MDN1: variants seen among roughly 807,000 people sequenced by gnomAD.
MDN1 encodes midasin.
In MDN1, 266 loss-of-function variants were observed where a neutral mutation model predicts 669.2. The observed-to-expected ratio is 0.40, with a 90% CI of 0.36 to 0.44. The LOEUF (loss-of-function observed/expected upper bound fraction) is 0.44. Among genes scored for constraint, MDN1 ranks in the 20% least tolerant of loss-of-function variants. MDN1 has a pLI of 1.00. For synonymous variants in MDN1, 2,385 were observed against 2,457.1 expected, an observed-to-expected ratio of 0.97 and a Z score of 0.87; for missense variants, 5,940 against 6,754.0, an observed-to-expected ratio of 0.88 and a Z score of 4.22.
intron 17 of MDN1, among the ~76,000 whole-genome samples, chr6:89,759,787 T>C (rs1245991342): frequency 6.7e-6 from 1 of 149,812 alleles, no homozygotes; most frequent in Non-Finnish European, 1.5e-5. Context: ...AGAATAGTTC[T>C]GGGGCCCGGG....
intron 2 of MDN1, among the ~76,000 whole-genome samples, chr6:89,796,340 A>AAC (rs1819605685): frequency 8.6e-6 from 1 of 116,636 alleles, no homozygotes; most frequent in East Asian, 2.3e-4. Context: ...AAAAAAAAAA[A>AAC]AAAAAAAAAA....
intron 5 of MDN1, among the ~76,000 whole-genome samples, chr6:89,792,943 T>C (rs1007418480): frequency 6.6e-6 from 1 of 152,036 alleles, no homozygotes. Flanking sequence ...CACTTGAACC[T>C]GGGAGGGGGG....
chr6:89,735,467 A>G (rs540492250), intron 33 of MDN1, among the ~76,000 whole-genome samples: 14 of 150,298 alleles, frequency 9.3e-5, no homozygotes, highest in Middle Eastern at 3.6e-3. Flanking sequence ...TCAAACTCCT[A>G]GGCTCAAGGG....
At chr6:89,685,067 G>A in intron 70 of MDN1, 82 bp from the exon 71 acceptor site, 1 of 841,734 alleles carries the variant, frequency 1.2e-6, no homozygotes, top group Non-Finnish European at 1.9e-6. Flanking sequence ...ATATTTCAGT[G>A]ATGACCCTTC....
intron 63 of MDN1, among the ~76,000 whole-genome samples, chr6:89,691,574 T>G (rs1054229092): frequency 6.6e-6 from 1 of 152,194 alleles, no homozygotes; most frequent in Non-Finnish European, 1.5e-5. Flanking sequence ...ACAGTAAAAG[T>G]ATATACAAAT....
intron 11 of MDN1, 37 bp downstream of exon 11, chr6:89,780,175 G>T: frequency 7.9e-7 from 1 of 1,269,680 alleles, no homozygotes; most frequent in South Asian, 1.5e-5. Flanking sequence ...CAGCCTTACA[G>T]AACCAAGACA....
chr6:89,716,181 A>G (rs920153045), intron 44 of MDN1, among the ~76,000 whole-genome samples: 20 of 152,326 alleles, frequency 1.3e-4, no homozygotes, highest in African/African-American at 4.6e-4. Flanking sequence ...AGTAGCTTCT[A>G]TGTTAACTGT....
chr6:89,798,554 TTATG>T (rs1253562436), intron 2 of MDN1, among the ~76,000 whole-genome samples: 3 of 152,070 alleles, frequency 2.0e-5, no homozygotes, highest in African/African-American at 7.2e-5. Context: ...TCATATTAGT[TTATG>T]TATGAGTAGC....
At chr6:89,699,764 G>A (rs761841182) in intron 57 of MDN1, 37 bp from the exon 58 acceptor site, 32 of 1,607,564 alleles carry the variant, frequency 2.0e-5, no homozygotes, top group Non-Finnish European at 2.7e-5. Flanking sequence ...GTGGGGTATG[G>A]ACTATCAATG....
chr6:89,704,695 T>A (rs900649283), intron 53 of MDN1, among the ~76,000 whole-genome samples: 4 of 152,158 alleles, frequency 2.6e-5, no homozygotes, highest in Admixed American at 2.0e-4. Flanking sequence ...CAAGCGATTC[T>A]CCTGCCTCTC....
chr6:89,714,497 C>A, intron 46 of MDN1, 46 bp downstream of exon 46: 1 of 1,448,534 alleles, frequency 6.9e-7, no homozygotes, highest in South Asian at 1.3e-5. Flanking sequence ...ACATAAATTT[C>A]TTGAAGACTA....
chr6:89,686,400 G>A (rs1812008083), intron 69 of MDN1, among the ~76,000 whole-genome samples: 1 of 151,834 alleles, frequency 6.6e-6, no homozygotes, highest in Non-Finnish European at 1.5e-5. Flanking sequence ...ACTCCAGCCT[G>A]GGCAACAGAG....
chr6:89,789,660 C>A, intron 7 of MDN1, 120 bp downstream of exon 7: 4 of 1,193,772 alleles, frequency 3.4e-6, no homozygotes, highest in Non-Finnish European at 4.7e-6. Context: ...GTACCTGCAA[C>A]ATAGTACGTC....
rs531205876 is a variant in MDN1 at position 89,742,540 on chromosome 6, G to A, written c.4448+610C>T. On this transcript the variant is annotated intron_variant, in intron 31 of 101. Transcript: ENST00000369393. ...TCTACTGCAATACCACTAACTCAGT[G>A]ACTCAGTTCTATGCATATAGCTTGC... 9.8e-5 allele frequency among the ~76,000 whole-genome samples: 15 copies of A among 152,288 alleles called. No homozygotes were observed. In the South Asian group the frequency reaches 3.1e-3, roughly 32 times the overall value.
intron 47 of MDN1, 40 bp downstream of exon 47, chr6:89,713,108 G>A: frequency 6.3e-7 from 1 of 1,591,894 alleles, no homozygotes; most frequent in Non-Finnish European, 8.6e-7. Flanking sequence ...AGAATGTAGG[G>A]TATTACAACT....
At chr6:89,752,541 T>A (rs894109132) in intron 22 of MDN1, among the ~76,000 whole-genome samples, 1 of 152,170 alleles carries the variant, frequency 6.6e-6, no homozygotes, top group African/African-American at 2.4e-5. Flanking sequence ...TGTGAGCAAG[T>A]TTCTCTCAGC....
At chr6:89,677,863 A>G (rs1034545820) in intron 75 of MDN1, among the ~76,000 whole-genome samples, 167 bp from the exon 76 acceptor site, 4 of 152,268 alleles carry the variant, frequency 2.6e-5, no homozygotes, top group African/African-American at 9.6e-5. Flanking sequence ...CAGGATCTGT[A>G]GCTGCACTTC....
Position 89,720,498 on chromosome 6 carries a change from T to C in MDN1, c.5968-1273A>G, listed in dbSNP as rs186277783. On this transcript the variant is annotated intron_variant, in intron 40 of 101. Coordinates refer to ENST00000369393, the MANE Select transcript of MDN1 (RefSeq NM_014611.3). ...ACTCTTCTAGCTTTTACAGACTTTA[T>C]CCTTCTATAACATTATTTTTCTTGA... 2.2e-3 allele frequency among the ~76,000 whole-genome samples: 340 copies of C among 152,144 alleles called. 1 individual carries two copies. The highest frequency in any genetic ancestry group is 7.9e-3 in the African/African-American group (328 of 41,492).
intron 9 of MDN1, 115 bp downstream of exon 9, chr6:89,784,897 C>A: frequency 1.4e-6 from 1 of 690,650 alleles, no homozygotes; most frequent in Non-Finnish European, 2.5e-6. Context: ...AATACTAGCA[C>A]ACAGACTGCA....
Sources: gnomAD v4.1 joint callset for allele counts (sites outside exome capture counted in the v4.1 genomes callset) on GRCh38, gnomAD v4.1.1 for gene constraint, MANE v1.5 for transcripts, NCBI Gene and HGNC (gene_info 2026-07-23, HGNC 2026-07-21) for gene names.